The following SPATA17 variants were observed in gnomAD, a reference collection of about 807,000 sequenced individuals.
SPATA17 encodes spermatogenesis-associated protein 17.
SPATA17 carries 53 observed loss-of-function variants against 62.2 expected under a neutral mutation model. The observed-to-expected ratio is 0.85, with a 90% CI of 0.68 to 1.07. The LOEUF is 1.07. Ranked by LOEUF, SPATA17 falls within the 50% of genes least tolerant of loss-of-function variation. SPATA17 has a pLI of 0.00. For missense variants in SPATA17, 466 were observed against 425.5 expected, an observed-to-expected ratio of 1.10 and a Z score of -0.84; for synonymous variants, 146 against 146.8, an observed-to-expected ratio of 0.99 and a Z score of 0.04.
intron 6 of SPATA17, among the ~76,000 whole-genome samples, chr1:217,761,630 C>CTAGGGG (rs1204141676): frequency 6.6e-6 from 1 of 151,952 alleles, no homozygotes; most frequent in Non-Finnish European, 1.5e-5. Context: ...AGAGGGTGGA[C>CTAGGGG]TAGGGGTAGG....
At chr1:217,677,880 G>A (rs1024001313) in intron 4 of SPATA17, among the ~76,000 whole-genome samples, 19 of 152,036 alleles carry the variant, frequency 1.2e-4, no homozygotes, top group East Asian at 3.9e-4. Flanking sequence ...TCACATATAC[G>A]TCCTATATGT....
intron 5 of SPATA17, among the ~76,000 whole-genome samples, chr1:217,740,706 GCAGC>G (rs1398849255): frequency 6.6e-6 from 1 of 152,172 alleles, no homozygotes; most frequent in East Asian, 1.9e-4. Flanking sequence ...ATCTAAATGT[GCAGC>G]TAGCCTGGCT....
intron 5 of SPATA17, among the ~76,000 whole-genome samples, chr1:217,710,713 A>G (rs1671838977): frequency 6.6e-6 from 1 of 152,200 alleles, no homozygotes; most frequent in Non-Finnish European, 1.5e-5. Flanking sequence ...TAATACACCC[A>G]TTTAAGTACT....
intron 9 of SPATA17, among the ~76,000 whole-genome samples, chr1:217,851,018 A>G (rs2103011622): frequency 6.6e-6 from 1 of 152,276 alleles, no homozygotes; most frequent in Middle Eastern, 3.4e-3. Flanking sequence ...CTTGAGACTT[A>G]ATGTTTGGGT....
chr1:217,696,713 C>A (rs1286232569), intron 5 of SPATA17, among the ~76,000 whole-genome samples: 1 of 152,046 alleles, frequency 6.6e-6, no homozygotes, highest in East Asian at 1.9e-4. Flanking sequence ...TTTACCATTA[C>A]AAACATTTTG....
At chr1:217,857,977 T>C (rs1305298298) in intron 9 of SPATA17, among the ~76,000 whole-genome samples, 4 of 152,180 alleles carry the variant, frequency 2.6e-5, no homozygotes, top group African/African-American at 9.7e-5. Context: ...AAAATGTTAC[T>C]TGAATGCACA....
chr1:217,684,532 A>C (rs1232290193), intron 5 of SPATA17, among the ~76,000 whole-genome samples: 2 of 151,978 alleles, frequency 1.3e-5, no homozygotes, highest in Non-Finnish European at 1.5e-5. Flanking sequence ...CTTGTGCCTC[A>C]GCCTCTCGAG....
intron 9 of SPATA17, among the ~76,000 whole-genome samples, chr1:217,821,327 G>A (rs768482569): frequency 3.3e-5 from 5 of 152,084 alleles, no homozygotes; most frequent in African/African-American, 4.8e-5. Context: ...ATGGCCATCC[G>A]AAGTGGGATG....
chr1:217,735,459 T>C (rs1447559463), intron 5 of SPATA17, among the ~76,000 whole-genome samples: 1 of 152,122 alleles, frequency 6.6e-6, no homozygotes, highest in Non-Finnish European at 1.5e-5. Flanking sequence ...AGGCCCCACC[T>C]CCAAATGCCA....
At chr1:217,675,994 G>T (rs1670938547) in intron 4 of SPATA17, among the ~76,000 whole-genome samples, 1 of 152,118 alleles carries the variant, frequency 6.6e-6, no homozygotes, top group Non-Finnish European at 1.5e-5. Flanking sequence ...TGTTTACTTG[G>T]AAAACTGACC....
At chr1:217,786,565 G>T (rs1295483995) in intron 8 of SPATA17, among the ~76,000 whole-genome samples, 1 of 152,100 alleles carries the variant, frequency 6.6e-6, no homozygotes. Context: ...TTATCCTATA[G>T]GTAATGGAAA....
At chr1:217,798,145 T>C (rs142888217) in intron 8 of SPATA17, among the ~76,000 whole-genome samples, 1 of 152,218 alleles carries the variant, frequency 6.6e-6, no homozygotes, top group Admixed American at 6.5e-5. Context: ...AAGATAAAAC[T>C]ATTGATTTTC....
At chr1:217,653,718 A>G (rs1670371716) in intron 3 of SPATA17, among the ~76,000 whole-genome samples, 1 of 152,152 alleles carries the variant, frequency 6.6e-6, no homozygotes, top group African/African-American at 2.4e-5. Context: ...GCATAATGTC[A>G]TATTCTTAAA....
At chr1:217,841,774 C>A (rs1675409001) in intron 9 of SPATA17, among the ~76,000 whole-genome samples, 1 of 151,104 alleles carries the variant, frequency 6.6e-6, no homozygotes, top group Non-Finnish European at 1.5e-5. Flanking sequence ...CTAGTTTCAA[C>A]CAATATATTT....
chr1:217,836,596 G>A (rs1353070102), intron 9 of SPATA17, among the ~76,000 whole-genome samples: 1 of 152,082 alleles, frequency 6.6e-6, no homozygotes, highest in Non-Finnish European at 1.5e-5. Flanking sequence ...ATCAACTCTA[G>A]CATTTATTTT....
At chr1:217,696,187 G>A (rs1391528941) in intron 5 of SPATA17, among the ~76,000 whole-genome samples, 5 of 152,192 alleles carry the variant, frequency 3.3e-5, no homozygotes, top group Admixed American at 2.6e-4. Flanking sequence ...GTGGGATATA[G>A]TCTCGTGGTG....
At chr1:217,865,350 A>G (rs1675986774) in intron 10 of SPATA17, among the ~76,000 whole-genome samples, 1 of 152,192 alleles carries the variant, frequency 6.6e-6, no homozygotes, top group Non-Finnish European at 1.5e-5. Context: ...TGCCTTTATC[A>G]GATTAATCTT....
At chr1:217,770,978 A>AATTTTTCTTTTTTTTTTTTTTTTTTTTT (rs1553251071) in intron 6 of SPATA17, among the ~76,000 whole-genome samples, 1 of 50,148 alleles carries the variant, frequency 2.0e-5, no homozygotes, top group Non-Finnish European at 3.3e-5. Context: ...AACTCATTGC[A>AATTTTTCTTTTTTTTTTTTTTTTTTTTT]TTTTTTTTTT....
intron 5 of SPATA17, among the ~76,000 whole-genome samples, chr1:217,741,363 GA>G (rs1315756027): frequency 6.6e-6 from 1 of 151,966 alleles, no homozygotes; most frequent in African/African-American, 2.4e-5. Flanking sequence ...ATTATACTTA[GA>G]AAAGACTTGC....
Sources: allele counts gnomAD v4.1 joint callset (sites outside exome capture counted in the v4.1 genomes callset), GRCh38; gene constraint gnomAD v4.1.1; transcripts MANE v1.5; gene names NCBI Gene and HGNC (gene_info 2026-07-23, HGNC 2026-07-21).